The following DEUP1 variants were observed in gnomAD, a reference collection of about 807,000 sequenced individuals.
The protein encoded by DEUP1 is deuterosome assembly protein 1, also known as coiled-coil domain containing 67.
DEUP1 carries 82 observed loss-of-function variants against 87.4 expected under a neutral mutation model. The observed-to-expected ratio is 0.94, with a 90% CI of 0.78 to 1.13. The LOEUF (loss-of-function observed/expected upper bound fraction) is 1.13, where lower values mean the gene tolerates loss of function less well. Among genes scored for constraint, DEUP1 ranks in the 50% most tolerant of loss-of-function variants. The probability of loss-of-function intolerance (pLI) is 0.00; values close to 1 mark genes in which losing one functional copy is unlikely to be tolerated. For synonymous variants in DEUP1, 214 were observed against 222.7 expected, an observed-to-expected ratio of 0.96 and a Z score of 0.35; for missense variants, 663 against 681.5, an observed-to-expected ratio of 0.97 and a Z score of 0.30.
At chr11:93,384,462 T>C (rs1281313721) in intron 7 of DEUP1, among the ~76,000 whole-genome samples, 1 of 152,224 alleles carries the variant, frequency 6.6e-6, no homozygotes, top group Admixed American at 6.5e-5. Flanking sequence ...AGGGTCATCC[T>C]ATCCACCTTC....
chr11:93,367,905 TG>T (rs1216212799), intron 5 of DEUP1, among the ~76,000 whole-genome samples: 4 of 152,228 alleles, frequency 2.6e-5, no homozygotes, highest in Non-Finnish European at 5.9e-5. Flanking sequence ...AAGTGGCACC[TG>T]GCACTTTGTC....
At chr11:93,409,164 A>G (rs1447396421) in intron 12 of DEUP1, among the ~76,000 whole-genome samples, 1 of 152,112 alleles carries the variant, frequency 6.6e-6, no homozygotes. Context: ...GCCAATAGAT[A>G]CACTTTCCAT....
intron 2 of DEUP1, among the ~76,000 whole-genome samples, chr11:93,355,068 G>A (rs1042015195): frequency 6.6e-6 from 1 of 152,132 alleles, no homozygotes; most frequent in Non-Finnish European, 1.5e-5. Context: ...GTATATGTAT[G>A]CCTATATGGA....
Position 93,373,609 on chromosome 11 carries a change from A to G in DEUP1, c.789+2329A>G, listed in dbSNP as rs1227214424. Among the ~76,000 whole-genome samples the G allele has an allele frequency of 1.8e-3, 164 of 90,260 alleles. 1 individual carries two copies. In the East Asian group the frequency reaches 0.036, roughly 20 times the overall value. The allele number at this position is 90,260 out of a possible 152,430, so 59.2% of individuals were successfully genotyped here. A position where few individuals can be genotyped will look rare whatever the true frequency, so the allele number is the denominator to read the frequency against. ...TATATATATACGTATATATATTTAT[A>G]TATGTATATATATACGTATATATAT... On this transcript the variant is annotated intron_variant, in intron 7 of 13. Transcript: ENST00000298050.
intron 9 of DEUP1, among the ~76,000 whole-genome samples, chr11:93,390,088 A>G (rs1217866441): frequency 6.6e-6 from 1 of 152,198 alleles, no homozygotes; most frequent in Non-Finnish European, 1.5e-5. Flanking sequence ...TCTGGTCTTT[A>G]GGTTTGAGGA....
intron 2 of DEUP1, among the ~76,000 whole-genome samples, chr11:93,351,941 T>A (rs975103557): frequency 6.6e-6 from 1 of 152,174 alleles, no homozygotes; most frequent in African/African-American, 2.4e-5. Flanking sequence ...GGAGCAAATT[T>A]GTACTGTATT....
chr11:93,389,184 G>C, intron 9 of DEUP1, 59 bp downstream of exon 9: 1 of 947,100 alleles, frequency 1.1e-6, no homozygotes, highest in Non-Finnish European at 1.6e-6. Flanking sequence ...ACATACAAAG[G>C]GAGTTAAAAA....
chr11:93,396,773 C>A (rs1043203886), intron 11 of DEUP1, among the ~76,000 whole-genome samples: 1 of 152,134 alleles, frequency 6.6e-6, no homozygotes, highest in Non-Finnish European at 1.5e-5. Context: ...AGAACCATGT[C>A]TTATTGGTGT....
intron 13 of DEUP1, among the ~76,000 whole-genome samples, chr11:93,433,549 A>G (rs543202001): frequency 2.0e-4 from 31 of 152,266 alleles, no homozygotes; most frequent in African/African-American, 7.2e-4. Context: ...ATCAATCCAT[A>G]AAAAGAAAGA....
intron 2 of DEUP1, among the ~76,000 whole-genome samples, chr11:93,346,182 T>C (rs1944340751): frequency 6.6e-6 from 1 of 152,196 alleles, no homozygotes; most frequent in African/African-American, 2.4e-5. Context: ...TGGCCTTATT[T>C]CTGGATTCTC....
rs1233533540 is a variant in DEUP1 at position 93,437,576 on chromosome 11, G to A, written c.1672G>A (p.Ala558Thr). 3 of 1,613,372 alleles carry A rather than the reference G, an allele frequency of 1.9e-6. No homozygotes were observed. The highest frequency in any genetic ancestry group is 3.3e-5 in the Admixed American group (2 of 59,936). Reference protein sequence around the residue: ...PPDMSFPASLAAQHFLLEEEK... With the variant: ...PPDMSFPASLTAQHFLLEEEK... ...AGATATGTCCTTCCCAGCATCTTTG[G>A]CTGCACAGCATTTCCTTCTGGAAGA... The change falls in exon 14 of 14, where the codon GCT (alanine) becomes ACT (threonine). Residue 558 changes from alanine to threonine, a missense_variant. Physicochemically the swap from Ala to Thr is moderately conservative, Grantham distance 58 (BLOSUM62 0). Transcript: ENST00000298050.
chr11:93,373,593 AC>A (rs1945850537), intron 7 of DEUP1, among the ~76,000 whole-genome samples: 3 of 137,010 alleles, frequency 2.2e-5, no homozygotes, highest in African/African-American at 8.0e-5. Flanking sequence ...ATATATATAT[AC>A]GTATATATAT....
chr11:93,340,724 G>A (rs950798143), intron 2 of DEUP1, among the ~76,000 whole-genome samples: 1 of 152,188 alleles, frequency 6.6e-6, no homozygotes, highest in African/African-American at 2.4e-5. Flanking sequence ...TATAGATCCT[G>A]GATTGGATAT....
chr11:93,410,306 G>A (rs1947399079), intron 12 of DEUP1, among the ~76,000 whole-genome samples: 2 of 152,172 alleles, frequency 1.3e-5, no homozygotes, highest in South Asian at 4.1e-4. Context: ...AGTGACAGCA[G>A]CAGCAGGATA....
rs368172957 is a variant in DEUP1 at position 93,358,750 on chromosome 11, T to A, written c.297+1707T>A. ...GGTGCGCACCGCCACACCCAGCTAA[T>A]TTGTATATTTTTAATAGAGATGGTG... On this transcript the variant is annotated intron_variant, in intron 4 of 13. Transcript: ENST00000298050. Among the ~76,000 whole-genome samples, 704 of 152,218 alleles carry A rather than the reference T, an allele frequency of 4.6e-3. 5 individuals carry two copies. Among genetic ancestry groups the A allele is most frequent in the African/African-American group, 0.016 (672 of 41,536 alleles).
intron 11 of DEUP1, among the ~76,000 whole-genome samples, chr11:93,407,442 T>C (rs991410611): frequency 6.6e-6 from 1 of 152,106 alleles, no homozygotes; most frequent in Non-Finnish European, 1.5e-5. Context: ...TTTCAGAATG[T>C]GTCCCCATAA....
chr11:93,372,370 C>G (rs1265930642), intron 7 of DEUP1, among the ~76,000 whole-genome samples: 1 of 152,082 alleles, frequency 6.6e-6, no homozygotes, highest in East Asian at 1.9e-4. Flanking sequence ...CCACTCTATT[C>G]CCTCGTCTAC....
At chr11:93,356,584 C>G (rs1944909234) in intron 3 of DEUP1, among the ~76,000 whole-genome samples, 2 of 152,072 alleles carry the variant, frequency 1.3e-5, no homozygotes, top group South Asian at 4.1e-4. Flanking sequence ...CAGAGATCCT[C>G]TTGAAGGTAA....
intron 11 of DEUP1, among the ~76,000 whole-genome samples, chr11:93,404,190 A>G (rs1947201189): frequency 6.6e-6 from 1 of 152,066 alleles, no homozygotes; most frequent in African/African-American, 2.4e-5. Context: ...CCTGGTATCT[A>G]AGGTTTCCTG....
Sources: gnomAD v4.1 joint callset for allele counts (sites outside exome capture counted in the v4.1 genomes callset) on GRCh38, gnomAD v4.1.1 for gene constraint, MANE v1.5 for transcripts, NCBI Gene and HGNC (gene_info 2026-07-23, HGNC 2026-07-21) for gene names.